FOXK2: variants seen among roughly 807,000 people sequenced by gnomAD.
The protein encoded by FOXK2 is forkhead box protein K2.
FOXK2 carries 24 observed loss-of-function variants against 53.3 expected under a neutral mutation model. The ratio of observed to expected loss-of-function variants is 0.45; its 90% CI spans 0.33 to 0.63. FOXK2 has a LOEUF of 0.63. FOXK2 is among the 30% of genes least tolerant of loss of function. FOXK2 has a pLI of 0.03. For synonymous variants in FOXK2, 505 were observed against 407.1 expected (o/e 1.24, Z -2.89); for missense variants, 952 against 910.5 (o/e 1.05, Z -0.59).
At chr17:82,545,485 T>G in intron 1 of FOXK2, among the ~76,000 whole-genome samples, 1 of 152,190 alleles carries the variant, frequency 6.6e-6, no homozygotes, top group East Asian at 1.9e-4. Flanking sequence ...AATATTCTGC[T>G]ATAGGTAGAC....
At chr17:82,578,794 C>T (rs2045022018) in intron 4 of FOXK2, among the ~76,000 whole-genome samples, 1 of 152,178 alleles carries the variant, frequency 6.6e-6, no homozygotes. Flanking sequence ...ATTCCACAGA[C>T]TTACTTTGCG....
At chr17:82,571,506 C>G (rs2044917839) in intron 3 of FOXK2, among the ~76,000 whole-genome samples, 1 of 152,078 alleles carries the variant, frequency 6.6e-6, no homozygotes, top group South Asian at 2.1e-4. Context: ...GAGGCTGAGG[C>G]AGGAGAACCG....
At position 82,604,487 on chromosome 17, in the gene FOXK2, G is replaced by A. The variant is rs2045424241; in HGVS notation, c.*2988G>A. ...ACACAAGGAGATAAGTGACAATCTT[G>A]AAGTCCTAACTTCCACTATTCTAGA... On this transcript the variant is annotated 3_prime_UTR_variant, in exon 9 of 9. Coordinates refer to ENST00000335255, the MANE Select transcript of FOXK2 (RefSeq NM_004514.4). 6.6e-6 allele frequency: 1 copy of A among 152,624 alleles called. No homozygotes were observed. Among genetic ancestry groups the A allele is most frequent in the South Asian group, 2.1e-4 (1 of 4,826 alleles). The allele number at this position is 152,624 out of a possible 1,614,324, so 9.5% of individuals were successfully genotyped here.
rs73999998 is a variant in FOXK2 at position 82,587,117 on chromosome 17, G to A, written c.1631G>A (p.Arg544Gln). The A allele has an allele frequency of 1.6e-3, 2,551 of 1,612,172 alleles. 24 individuals carry two copies. The African/African-American group carries it at 0.024, about 15-fold the overall frequency. ...CACGCCACGCTCGGCACTGCCAGCCGGATCATTCAGACGGCACAGACCACC... is the reference window on the plus strand; with the variant it reads ...CACGCCACGCTCGGCACTGCCAGCCAGATCATTCAGACGGCACAGACCACC... Reference protein sequence around the residue: ...IGHATLGTASRIIQTAQTTPV... With the variant: ...IGHATLGTASQIIQTAQTTPV... The change falls in exon 8 of 9, where the codon CGG becomes CAG. Residue 544 changes from arginine to glutamine, a missense_variant. Physicochemically the swap from Arg to Gln is conservative, Grantham distance 43 (BLOSUM62 1). Around this residue, in one of 5 missense-constraint regions of FOXK2, gnomAD observed 551 missense variants for 385.1 expected, o/e 1.43. Coordinates refer to ENST00000335255, the MANE Select transcript of FOXK2 (RefSeq NM_004514.4).
At chr17:82,543,917 C>G (rs1279155875) in intron 1 of FOXK2, among the ~76,000 whole-genome samples, 1 of 151,950 alleles carries the variant, frequency 6.6e-6, no homozygotes, top group Non-Finnish European at 1.5e-5. Flanking sequence ...GCTGGGACTA[C>G]AGGCACCCGC....
chr17:82,539,041 A>G (rs947719535), intron 1 of FOXK2, among the ~76,000 whole-genome samples: 35 of 152,254 alleles, frequency 2.3e-4, no homozygotes, highest in African/African-American at 8.4e-4. Context: ...AAAATGTGGT[A>G]TGAGAATGGG....
At position 82,601,342 on chromosome 17, in the gene FOXK2, C is replaced by G. The variant is rs779678063; in HGVS notation, c.1826C>G (p.Ser609Cys). 5 of 1,613,276 alleles carry G rather than the reference C, an allele frequency of 3.1e-6. No homozygotes were observed. In the Admixed American group the frequency reaches 6.7e-5, roughly 22 times the overall value. Residue 609 changes from serine to cysteine, a missense_variant, in exon 9 of 9, where the codon TCC becomes TGC. Ser to Cys is a moderately radical substitution (Grantham distance 112). Around this residue, in one of 5 missense-constraint regions of FOXK2, gnomAD observed 551 missense variants for 385.1 expected, o/e 1.43. Transcript: ENST00000335255. Reference protein sequence around the residue: ...SPLHMLATHASASASLPTKRH... With the variant: ...SPLHMLATHACASASLPTKRH... Reference sequence around the variant, plus strand: ...TTGCACATGTTGGCAACACACGCATCCGCATCGGCCTCCCTGCCCACAAAG... The same window carrying G: ...TTGCACATGTTGGCAACACACGCATGCGCATCGGCCTCCCTGCCCACAAAG...
chr17:82,538,444 C>T (rs531642760), intron 1 of FOXK2, among the ~76,000 whole-genome samples: 21 of 152,262 alleles, frequency 1.4e-4, no homozygotes, highest in East Asian at 1.4e-3. Context: ...ATGCTCGTGC[C>T]GCTGCGCTCC....
At chr17:82,569,873 AG>A (rs1411649932) in intron 3 of FOXK2, among the ~76,000 whole-genome samples, 1 of 152,070 alleles carries the variant, frequency 6.6e-6, no homozygotes, top group Non-Finnish European at 1.5e-5. Flanking sequence ...CTGTCTAAAA[AG>A]AAAGAATTAG....
intron 8 of FOXK2, among the ~76,000 whole-genome samples, chr17:82,591,718 G>A (rs1445544463): frequency 2.6e-5 from 4 of 152,294 alleles, no homozygotes; most frequent in South Asian, 4.1e-4. Flanking sequence ...CCCATCACAC[G>A]TGCTGTGTAC....
At chr17:82,597,672 C>T (rs141983691) in intron 8 of FOXK2, among the ~76,000 whole-genome samples, 3,753 of 151,798 alleles carry the variant, frequency 0.025, 96 homozygotes, top group Admixed American at 0.075. Context: ...TTTTTTGAGA[C>T]AGAGTTTTGC....
At chr17:82,566,509 C>T (rs1002777434) in intron 2 of FOXK2, among the ~76,000 whole-genome samples, 2 of 152,130 alleles carry the variant, frequency 1.3e-5, no homozygotes, top group South Asian at 2.1e-4. Flanking sequence ...TCAGTCCTGC[C>T]GCCCAGTGCT....
chr17:82,529,504 C>T (rs766317126), intron 1 of FOXK2, among the ~76,000 whole-genome samples: 1 of 151,936 alleles, frequency 6.6e-6, no homozygotes, highest in Non-Finnish European at 1.5e-5. Flanking sequence ...ATTCTCCTGC[C>T]TTAGCCTCCT....
chr17:82,535,735 G>A (rs2044513558), intron 1 of FOXK2, among the ~76,000 whole-genome samples: 1 of 147,434 alleles, frequency 6.8e-6, no homozygotes, highest in South Asian at 2.2e-4. Flanking sequence ...ATCTCTTTTA[G>A]TTGTGTGTTT....
rs372705593 is a variant in FOXK2, at chr17:82,585,977, C to G, written c.1353C>G (p.Thr451=). The G allele has an allele frequency of 3.1e-6, 5 of 1,612,690 alleles. No homozygotes were observed. The South Asian group carries it at 4.4e-5, about 14-fold the overall frequency. The change falls in exon 7 of 9, where the codon ACC becomes ACG. Residue 451 remains threonine (T), a synonymous_variant. Coordinates refer to ENST00000335255, the MANE Select transcript of FOXK2 (RefSeq NM_004514.4). ...RQLPQAIKPV[T]YTVATPVTTS... ...TACCACAGGCCATCAAGCCTGTCAC[C>G]TACACTGTGGCCACCCCAGTGACCA...
intron 1 of FOXK2, among the ~76,000 whole-genome samples, chr17:82,560,565 T>C (rs184258230): frequency 2.0e-5 from 3 of 152,386 alleles, no homozygotes; most frequent in Admixed American, 2.0e-4. Flanking sequence ...TGATTCTTTT[T>C]ATTTTTCCTT....
chr17:82,553,470 G>A (rs1487797938), intron 1 of FOXK2, among the ~76,000 whole-genome samples: 1 of 152,256 alleles, frequency 6.6e-6, no homozygotes, highest in Non-Finnish European at 1.5e-5. Flanking sequence ...GTTGGCCCTG[G>A]CCTTGTCTCC....
intron 1 of FOXK2, among the ~76,000 whole-genome samples, chr17:82,527,989 G>T (rs2044435203): frequency 6.6e-6 from 1 of 151,998 alleles, no homozygotes; most frequent in South Asian, 2.1e-4. Context: ...TTGGACGTGG[G>T]GTCTCGCTAT....
intron 2 of FOXK2, among the ~76,000 whole-genome samples, chr17:82,565,090 A>G (rs143088293): frequency 2.0e-5 from 3 of 152,238 alleles, no homozygotes; most frequent in African/African-American, 7.2e-5. Context: ...AGACTTCCCA[A>G]CAAGTGGTAC....
Sources: gnomAD v4.1 joint callset for allele counts (sites outside exome capture counted in the v4.1 genomes callset) on GRCh38, gnomAD v4.1.1 for gene constraint, gnomAD v4.1.1 regional missense constraint, MANE v1.5 for transcripts, NCBI Gene and HGNC (gene_info 2026-07-23, HGNC 2026-07-21) for gene names.